The following FBXO4 variants were observed in gnomAD, a reference collection of about 807,000 sequenced individuals.
FBXO4 encodes F-box protein 4.
Under a neutral mutation model 43.7 loss-of-function variants are expected in FBXO4, and 36 were observed. The ratio of observed to expected loss-of-function variants is 0.82; its 90% CI spans 0.63 to 1.09. The LOEUF is 1.09. FBXO4 is among the 50% of genes least tolerant of loss of function. The pLI is 0.00. For synonymous variants in FBXO4, 180 were observed against 165.6 expected (o/e 1.09, Z -0.67); for missense variants, 435 against 474.1 (o/e 0.92, Z 0.77).
At chr5:41,967,652 A>T in the FBXO4 span, 3 of 789,328 alleles carry the variant, frequency 3.8e-6, no homozygotes, top group East Asian at 9.4e-5. Flanking sequence ...TATTTCCCAC[A>T]CACTGCATGG....
chr5:42,004,110 C>A, the FBXO4 span, among the ~76,000 whole-genome samples: 1 of 152,144 alleles, frequency 6.6e-6, no homozygotes, highest in Non-Finnish European at 1.5e-5. Flanking sequence ...TCATTCTGAG[C>A]AAACTATCAC....
the FBXO4 span, among the ~76,000 whole-genome samples, chr5:41,956,563 T>C: frequency 6.6e-6 from 1 of 152,142 alleles, no homozygotes; most frequent in African/African-American, 2.4e-5. Context: ...TTTATAGATT[T>C]TTTTTGGTTG....
At chr5:41,947,826 C>A in the FBXO4 span, among the ~76,000 whole-genome samples, 2 of 152,122 alleles carry the variant, frequency 1.3e-5, no homozygotes, top group Non-Finnish European at 2.9e-5. Flanking sequence ...GGGAGGCTGA[C>A]ATCAATATGA....
chr5:41,967,226 C>A, the FBXO4 span: 1 of 494,222 alleles, frequency 2.0e-6, no homozygotes. Flanking sequence ...TTATGGTATT[C>A]TTCATTAGCA....
the FBXO4 span, among the ~76,000 whole-genome samples, chr5:41,999,518 T>A: frequency 5.2e-5 from 6 of 115,358 alleles, no homozygotes; most frequent in African/African-American, 2.5e-4. Flanking sequence ...TATATATATA[T>A]ATATACATAT....
intron 3 of FBXO4, 81 bp from the exon 4 acceptor site, chr5:41,933,865 C>G: frequency 8.6e-7 from 1 of 1,162,440 alleles, no homozygotes; most frequent in South Asian, 1.4e-5. Flanking sequence ...ACTCTTTTTG[C>G]TTTCACCGGG....
the FBXO4 span, among the ~76,000 whole-genome samples, chr5:41,981,725 G>T: frequency 1.7e-4 from 25 of 147,190 alleles, 1 homozygote; most frequent in African/African-American, 6.1e-4. Flanking sequence ...TTTGGTTTTT[G>T]GTTTTTTTTT....
At chr5:42,023,497 G>A in the FBXO4 span, among the ~76,000 whole-genome samples, 3 of 151,936 alleles carry the variant, frequency 2.0e-5, no homozygotes, top group Admixed American at 2.0e-4. Flanking sequence ...TTGGGTACAT[G>A]GTCTATAATA....
At chr5:42,018,668 G>A in the FBXO4 span, among the ~76,000 whole-genome samples, 1 of 152,042 alleles carries the variant, frequency 6.6e-6, no homozygotes, top group Non-Finnish European at 1.5e-5. Flanking sequence ...AATCTTGTTT[G>A]TCCCTAAGTC....
chr5:42,019,707 ACC>A, the FBXO4 span, among the ~76,000 whole-genome samples: 2 of 151,774 alleles, frequency 1.3e-5, no homozygotes, highest in African/African-American at 2.4e-5. Context: ...AAAAAAAAAA[ACC>A]AAGAAAGAAA....
chr5:42,000,472 A>G, the FBXO4 span, among the ~76,000 whole-genome samples: 6 of 152,248 alleles, frequency 3.9e-5, no homozygotes, highest in East Asian at 7.7e-4. Flanking sequence ...TATTTGTTTT[A>G]TATATTTTGA....
At chr5:41,956,232 G>A in the FBXO4 span, among the ~76,000 whole-genome samples, 1 of 152,136 alleles carries the variant, frequency 6.6e-6, no homozygotes, top group Admixed American at 6.5e-5. Context: ...CTGGAGTAAG[G>A]ATTGGACACA....
chr5:42,023,593 G>A, the FBXO4 span, among the ~76,000 whole-genome samples: 2 of 151,948 alleles, frequency 1.3e-5, no homozygotes, highest in Admixed American at 1.3e-4. Flanking sequence ...AAGTGGATAT[G>A]AAAGCAGAAA....
At chr5:41,998,896 G>C in the FBXO4 span, among the ~76,000 whole-genome samples, 1 of 152,040 alleles carries the variant, frequency 6.6e-6, no homozygotes. Context: ...CACATTTGAG[G>C]CTCGGTATCT....
chr5:41,984,041 G>A, the FBXO4 span, among the ~76,000 whole-genome samples: 2 of 151,762 alleles, frequency 1.3e-5, no homozygotes, highest in African/African-American at 2.4e-5. Flanking sequence ...TCAGGACAGA[G>A]ATAGTGAATA....
At chr5:42,039,046 C>T in the FBXO4 span, among the ~76,000 whole-genome samples, 1 of 152,056 alleles carries the variant, frequency 6.6e-6, no homozygotes, top group Non-Finnish European at 1.5e-5. Context: ...ATATTATTCC[C>T]ATGGCTTTAT....
the FBXO4 span, among the ~76,000 whole-genome samples, chr5:41,958,196 G>T: frequency 1.4e-5 from 2 of 147,396 alleles, no homozygotes; most frequent in African/African-American, 5.1e-5. Context: ...GTGCAGTGGC[G>T]CAATCTCAGC....
the FBXO4 span, among the ~76,000 whole-genome samples, chr5:41,957,836 C>T: frequency 2.0e-5 from 3 of 152,078 alleles, no homozygotes; most frequent in South Asian, 6.2e-4. Flanking sequence ...TAGAACAATA[C>T]ACTGAAGCAA....
chr5:41,927,181 G>T lies in FBXO4; in HGVS notation c.358G>T (p.Asp120Tyr), dbSNP rs771421642. Residue 120 changes from aspartate to tyrosine, a missense_variant, in exon 2 of 7, where the codon GAT (aspartate) becomes TAT (tyrosine). Physicochemically the swap from Asp to Tyr is radical, Grantham distance 160. Transcript: ENST00000281623. ...TTCTGTTGACTGGAAGTCTCTTCCA[G>T]ATCTAGAAATCTTAAAAAAGCCTAT... The part of the protein sequence containing the change: ...WSSVDWKSLP[D>Y]LEILKKPISE... The T allele has an allele frequency of 2.5e-6, 4 of 1,613,598 alleles. No homozygotes were observed. Among genetic ancestry groups the T allele is most frequent in the East Asian group, 4.5e-5 (2 of 44,836 alleles).
Sources: allele counts gnomAD v4.1 joint callset (sites outside exome capture counted in the v4.1 genomes callset), GRCh38; gene constraint gnomAD v4.1.1; transcripts MANE v1.5; gene names NCBI Gene and HGNC (gene_info 2026-07-23, HGNC 2026-07-21).